The following INPP4B variants were observed in gnomAD, a reference collection of about 807,000 sequenced individuals.
The protein encoded by INPP4B is inositol polyphosphate 4-phosphatase type II.
Under a neutral mutation model 122.5 loss-of-function variants are expected in INPP4B, and 55 were observed. The observed-to-expected ratio is 0.45, with a 90% confidence interval of 0.36 to 0.56. INPP4B has a LOEUF of 0.56. Ranked by LOEUF, INPP4B falls within the 20% of genes least tolerant of loss-of-function variation. The pLI is 0.00. For synonymous variants in INPP4B, 403 were observed against 388.7 expected (o/e 1.04, Z -0.43); for missense variants, 1,000 against 1,097.7 (o/e 0.91, Z 1.26).
chr4:142,256,877 C>G (rs1431079417), intron 11 of INPP4B, among the ~76,000 whole-genome samples: 2 of 152,126 alleles, frequency 1.3e-5, no homozygotes, highest in Non-Finnish European at 2.9e-5. Context: ...CATCCTGATA[C>G]CAAAGCTGGG....
chr4:142,733,842 A>G (rs1377817644), intron 1 of INPP4B, among the ~76,000 whole-genome samples: 1 of 152,208 alleles, frequency 6.6e-6, no homozygotes, highest in Admixed American at 6.5e-5. Context: ...GAAATAACCC[A>G]AATTTCCATA....
chr4:142,684,975 C>T (rs1194071873), intron 2 of INPP4B, among the ~76,000 whole-genome samples: 1 of 152,036 alleles, frequency 6.6e-6, no homozygotes. Flanking sequence ...AATCAAAGAA[C>T]ATATGTGTGA....
intron 2 of INPP4B, among the ~76,000 whole-genome samples, chr4:142,630,061 T>C (rs1429163229): frequency 6.6e-6 from 1 of 152,094 alleles, no homozygotes; most frequent in African/African-American, 2.4e-5. Context: ...GGAAAAGAGC[T>C]TCTTTTCTCC....
chr4:142,412,869 C>T (rs931476148), intron 5 of INPP4B, among the ~76,000 whole-genome samples: 3 of 152,108 alleles, frequency 2.0e-5, no homozygotes, highest in African/African-American at 7.2e-5. Context: ...ACTCTCATCA[C>T]TCTGAAAGAC....
At chr4:142,304,339 C>G (rs1325878062) in intron 9 of INPP4B, among the ~76,000 whole-genome samples, 2 of 151,832 alleles carry the variant, frequency 1.3e-5, no homozygotes, top group Non-Finnish European at 2.9e-5. Flanking sequence ...ATATGTTTTC[C>G]CATACAAAAT....
chr4:142,275,098 T>A (rs1043510117), intron 9 of INPP4B, among the ~76,000 whole-genome samples: 7 of 151,794 alleles, frequency 4.6e-5, no homozygotes, highest in South Asian at 2.1e-4. Flanking sequence ...TACTTCCTAA[T>A]GAAATATTCA....
chr4:142,095,457 T>G (rs1325824990), intron 23 of INPP4B, among the ~76,000 whole-genome samples: 1 of 152,188 alleles, frequency 6.6e-6, no homozygotes, highest in Non-Finnish European at 1.5e-5. Flanking sequence ...GTTTTTCTGT[T>G]GATTGGACAT....
chr4:142,422,499 G>C (rs1369436911), intron 5 of INPP4B, among the ~76,000 whole-genome samples: 5 of 151,962 alleles, frequency 3.3e-5, no homozygotes, highest in Non-Finnish European at 7.4e-5. Context: ...TATAAGGGAT[G>C]TGTTACACTA....
At chr4:142,637,419 C>T (rs556172467) in intron 2 of INPP4B, among the ~76,000 whole-genome samples, 1 of 152,214 alleles carries the variant, frequency 6.6e-6, no homozygotes, top group South Asian at 2.1e-4. Context: ...TTGCCTTTTC[C>T]AGAATGCCCG....
intron 2 of INPP4B, among the ~76,000 whole-genome samples, chr4:142,483,762 G>A (rs569233126): frequency 4.6e-5 from 7 of 152,082 alleles, no homozygotes; most frequent in South Asian, 4.1e-4. Flanking sequence ...TCTTGCTATC[G>A]TGTTGAGTGA....
At chr4:142,780,874 T>C (rs753998159) in intron 1 of INPP4B, among the ~76,000 whole-genome samples, 3 of 152,186 alleles carry the variant, frequency 2.0e-5, no homozygotes, top group Non-Finnish European at 2.9e-5. Flanking sequence ...CTTAATATAC[T>C]TCTCATAAAG....
chr4:142,652,914 A>G (rs1460709655), intron 2 of INPP4B, among the ~76,000 whole-genome samples: 1 of 152,154 alleles, frequency 6.6e-6, no homozygotes, highest in Non-Finnish European at 1.5e-5. Flanking sequence ...AGACAATCCT[A>G]AGACAATCCT....
chr4:142,128,510 C>T (rs1000579683), intron 18 of INPP4B, among the ~76,000 whole-genome samples: 3 of 152,106 alleles, frequency 2.0e-5, no homozygotes, highest in African/African-American at 7.2e-5. Flanking sequence ...ATTTTATTCC[C>T]TGGGCTCCTT....
chr4:142,506,252 G>A (rs1024577261), intron 2 of INPP4B, among the ~76,000 whole-genome samples: 2 of 151,944 alleles, frequency 1.3e-5, no homozygotes, highest in Non-Finnish European at 2.9e-5. Context: ...TCCTAAAATT[G>A]AGGACAACAA....
chr4:142,444,934 T>C (rs1812583610), intron 3 of INPP4B, among the ~76,000 whole-genome samples: 1 of 152,102 alleles, frequency 6.6e-6, no homozygotes, highest in Admixed American at 6.6e-5. Flanking sequence ...AAACACCACA[T>C]GTTCTCACTC....
chr4:142,108,206 A>G lies in INPP4B; in HGVS notation c.2277-16T>C, dbSNP rs115791400. 1,630 of 1,407,740 alleles carry G rather than the reference A, an allele frequency of 1.2e-3. 8 individuals are homozygous for G. The highest frequency in any genetic ancestry group is 0.011 in the African/African-American group (797 of 70,756). 87.2% of individuals were successfully genotyped at this position (1,407,740 alleles called of 1,614,324 possible). A position where few individuals can be genotyped will look rare whatever the true frequency, so the allele number is the denominator to read the frequency against. ...ATCTCCAAACCTACAAACAGAAAAAAGAAAACAGCTGTGGGTTATAAAACG... is the reference window on the plus strand; with the variant it reads ...ATCTCCAAACCTACAAACAGAAAAAGGAAAACAGCTGTGGGTTATAAAACG... On this transcript the variant is annotated splice_polypyrimidine_tract_variant and intron_variant, in intron 22 of 25. Coordinates refer to ENST00000262992, the MANE Select transcript of INPP4B (RefSeq NM_001101669.3).
At chr4:142,797,329 C>A (rs1488775262) in intron 1 of INPP4B, among the ~76,000 whole-genome samples, 1 of 151,812 alleles carries the variant, frequency 6.6e-6, no homozygotes, top group Non-Finnish European at 1.5e-5. Flanking sequence ...AAACATAGCA[C>A]CTATAAAACA....
At chr4:142,031,414 C>T (rs1387210689) in intron 25 of INPP4B, among the ~76,000 whole-genome samples, 1 of 152,170 alleles carries the variant, frequency 6.6e-6, no homozygotes. Flanking sequence ...GCATTGACCA[C>T]ACCAGTGTCA....
In INPP4B at chr4:142,545,797, A is replaced by G. The variant is rs185500020; in HGVS notation, c.-190-83071T>C. ...TATATATACACATATATATGTGTGTATATATATACACATATACATGTGTGT... is the reference window on the plus strand; with the variant it reads ...TATATATACACATATATATGTGTGTGTATATATACACATATACATGTGTGT... On this transcript the variant is annotated intron_variant, in intron 2 of 25. Transcript: ENST00000262992. Among the ~76,000 whole-genome samples the G allele has an allele frequency of 5.4e-3, 541 of 99,304 alleles. 12 individuals are homozygous for G. The East Asian group carries it at 0.11, about 20-fold the overall frequency. The allele number at this position is 99,304 out of a possible 152,430, so 65.1% of individuals were successfully genotyped here. A position where few individuals can be genotyped will look rare whatever the true frequency, so the allele number is the denominator to read the frequency against.
Sources: gnomAD v4.1 joint callset for allele counts (sites outside exome capture counted in the v4.1 genomes callset) on GRCh38, gnomAD v4.1.1 for gene constraint, MANE v1.5 for transcripts, NCBI Gene and HGNC (gene_info 2026-07-23, HGNC 2026-07-21) for gene names.